Variants in HIPK3 observed in about 807,000 individuals in gnomAD.
The protein encoded by HIPK3 is homeodomain-interacting protein kinase 3.
In HIPK3, 47 loss-of-function variants were observed where a neutral mutation model predicts 124.2. That is an observed-to-expected ratio of 0.38 (90% CI 0.30 to 0.48). The LOEUF (loss-of-function observed/expected upper bound fraction) is 0.48. Ranked by LOEUF, HIPK3 falls within the 20% of genes least tolerant of loss-of-function variation. HIPK3 has a pLI of 0.98. For synonymous variants in HIPK3, 482 were observed against 515.2 expected, an observed-to-expected ratio of 0.94 and a Z score of 0.87; for missense variants, 1,286 against 1,454.3, an observed-to-expected ratio of 0.88 and a Z score of 1.88.
intron 5 of HIPK3, among the ~76,000 whole-genome samples, 169 bp from the exon 6 acceptor site, chr11:33,339,181 A>G (rs555172466): frequency 1.3e-5 from 2 of 152,280 alleles, no homozygotes; most frequent in Non-Finnish European, 2.9e-5. Flanking sequence ...TGGTACCTCA[A>G]CACATTTTGA....
intron 12 of HIPK3, 136 bp downstream of exon 12, chr11:33,348,364 C>A: frequency 9.9e-7 from 1 of 1,012,006 alleles, no homozygotes; most frequent in Non-Finnish European, 1.4e-6. Context: ...ATTTCTAGAG[C>A]TATTTTATAT....
intron 2 of HIPK3, among the ~76,000 whole-genome samples, chr11:33,318,696 T>G (rs1283847888): frequency 1.3e-5 from 2 of 152,244 alleles, no homozygotes; most frequent in Non-Finnish European, 2.9e-5. Context: ...CCCCTTTTCT[T>G]TTGATTGTCA....
intron 5 of HIPK3, 96 bp from the exon 6 acceptor site, chr11:33,339,254 T>G: frequency 1.2e-6 from 1 of 837,576 alleles, no homozygotes; most frequent in Non-Finnish European, 1.9e-6. Flanking sequence ...TCTCCTCTCC[T>G]GTGTTGTGAT....
At position 33,347,760 on chromosome 11, in the gene HIPK3, T is replaced by G; in HGVS notation, c.2144+7T>G. ...ACAGGCTTGGAGACTGGGGGTAAGC[T>G]GAAAACAAAAGTACTTTGTGAATAG... is the stretch of plus-strand genomic sequence containing the variant. On this transcript the variant is annotated splice_region_variant and intron_variant, in intron 10 of 16. Transcript: ENST00000303296. The G allele has an allele frequency of 6.2e-7, 1 of 1,613,380 alleles. No homozygotes were observed. Among genetic ancestry groups the G allele is most frequent in the Non-Finnish European group, 8.5e-7 (1 of 1,179,370 alleles).
At position 33,351,662 on chromosome 11, in the gene HIPK3, A is replaced by T; in HGVS notation, c.2862A>T (p.Thr954=). The T allele has an allele frequency of 6.2e-7, 1 of 1,614,238 alleles. No individual in the cohort carries two copies. The highest frequency in any genetic ancestry group is 8.5e-7 in the Non-Finnish European group (1 of 1,180,038). Residue 954 remains threonine (T), a synonymous_variant, in exon 15 of 17, where the codon ACA becomes ACT. Transcript: ENST00000303296. ...SSCDTVDGSP[T]SDSSGHDSPF... ...GTGATACGGTGGATGGCTCTCCGAC[A>T]TCTGACTCTTCCGGGCATGACAGTC... is the stretch of plus-strand genomic sequence containing the variant.
intron 1 of HIPK3, among the ~76,000 whole-genome samples, chr11:33,265,368 A>G (rs1165663972): frequency 6.6e-6 from 1 of 152,230 alleles, no homozygotes; most frequent in Non-Finnish European, 1.5e-5. Flanking sequence ...TGGATTTGTA[A>G]TCATTGTTTA....
At chr11:33,306,370 TGA>T (rs1852159394) in intron 2 of HIPK3, among the ~76,000 whole-genome samples, 2 of 152,148 alleles carry the variant, frequency 1.3e-5, no homozygotes, top group Admixed American at 1.3e-4. Context: ...ATAAATTCAT[TGA>T]GGGAATTTTT....
Position 33,355,602 on chromosome 11 carries a change from A to G in HIPK3, c.*2034A>G, listed in dbSNP as rs905133124. 3 of 152,064 alleles carry G rather than the reference A, an allele frequency of 2.0e-5. No individual in the cohort carries two copies. The highest frequency in any genetic ancestry group is 2.9e-5 in the Non-Finnish European group (2 of 67,914). The allele number at this position is 152,064 out of a possible 1,614,324, so 9.4% of individuals were successfully genotyped here. A position where few individuals can be genotyped will look rare whatever the true frequency, so the allele number is the denominator to read the frequency against. The stretch of plus-strand genomic sequence containing the variant: ...GTACAGCTCTAGTACAGCGTTCACA[A>G]TAAGCTAATAATGGATAAGTTTTCT... On this transcript the variant is annotated 3_prime_UTR_variant, in exon 17 of 17. Coordinates refer to ENST00000303296, the MANE Select transcript of HIPK3 (RefSeq NM_005734.5).
rs1853794423 is a variant in HIPK3 at position 33,355,614 on chromosome 11, TG to T, written c.*2048del. 1 of 152,028 alleles carries T rather than the reference TG, an allele frequency of 6.6e-6. No homozygotes were observed. The highest frequency in any genetic ancestry group is 2.4e-5 in the African/African-American group (1 of 41,444). The allele number at this position is 152,028 out of a possible 1,614,324, so 9.4% of individuals were successfully genotyped here. A position where few individuals can be genotyped will look rare whatever the true frequency, so the allele number is the denominator to read the frequency against. ...TACAGCGTTCACAATAAGCTAATAA[TG>T]GATAAGTTTTCTTCACTCCATTAAC... On this transcript the variant is annotated 3_prime_UTR_variant, in exon 17 of 17. Transcript: ENST00000303296.
chr11:33,347,512 G>T (rs1280725175), intron 9 of HIPK3, 98 bp downstream of exon 9: 1 of 1,575,908 alleles, frequency 6.3e-7, no homozygotes, highest in Admixed American at 1.8e-5. Context: ...GTAGGTTATG[G>T]ACTTTAATGT....
intron 3 of HIPK3, among the ~76,000 whole-genome samples, chr11:33,331,064 G>T (rs1243019438): frequency 6.6e-6 from 1 of 151,770 alleles, no homozygotes; most frequent in African/African-American, 2.4e-5. Context: ...TTTATTTTTA[G>T]TAGAGATGGG....
intron 8 of HIPK3, among the ~76,000 whole-genome samples, chr11:33,343,330 G>T (rs1402951552): frequency 6.6e-6 from 1 of 151,368 alleles, no homozygotes. Flanking sequence ...GCCCAGGCTA[G>T]AGTGTGGTAG....
At chr11:33,310,792 G>T (rs1186138653) in intron 2 of HIPK3, among the ~76,000 whole-genome samples, 6 of 152,220 alleles carry the variant, frequency 3.9e-5, no homozygotes, top group Non-Finnish European at 7.3e-5. Context: ...GAGTCTACAT[G>T]AAATCTTCCT....
intron 1 of HIPK3, among the ~76,000 whole-genome samples, chr11:33,262,711 T>C (rs1189787511): frequency 3.3e-5 from 5 of 152,254 alleles, no homozygotes; most frequent in African/African-American, 7.2e-5. Flanking sequence ...TGGAGCAAAC[T>C]GAGGACCATA....
At chr11:33,300,674 C>G (rs1282014780) in intron 2 of HIPK3, among the ~76,000 whole-genome samples, 1 of 152,098 alleles carries the variant, frequency 6.6e-6, no homozygotes, top group Non-Finnish European at 1.5e-5. Context: ...TGGAACCAAA[C>G]CTGCAATATC....
chr11:33,348,354 A>G, intron 12 of HIPK3, 126 bp downstream of exon 12: 1 of 1,021,114 alleles, frequency 9.8e-7, no homozygotes, highest in South Asian at 1.6e-5. Flanking sequence ...CTACATGGAT[A>G]TTTCTAGAGC....
chr11:33,298,510 A>G (rs1851903031), intron 2 of HIPK3, among the ~76,000 whole-genome samples: 1 of 152,242 alleles, frequency 6.6e-6, no homozygotes, highest in Non-Finnish European at 1.5e-5. Flanking sequence ...TATGTTTGGT[A>G]AGGCCATAGC....
At chr11:33,280,254 A>G (rs1851377037) in intron 1 of HIPK3, among the ~76,000 whole-genome samples, 1 of 152,196 alleles carries the variant, frequency 6.6e-6, no homozygotes, top group African/African-American at 2.4e-5. Context: ...TGCAGAGGAC[A>G]ACACAGTATA....
At chr11:33,259,056 C>G (rs1385780930) in intron 1 of HIPK3, among the ~76,000 whole-genome samples, 7 of 152,128 alleles carry the variant, frequency 4.6e-5, no homozygotes, top group Admixed American at 4.6e-4. Flanking sequence ...TGCGTACTTT[C>G]TAGTAGTTTG....
Sources: gnomAD v4.1 joint callset for allele counts (sites outside exome capture counted in the v4.1 genomes callset) on GRCh38, gnomAD v4.1.1 for gene constraint, MANE v1.5 for transcripts, NCBI Gene and HGNC (gene_info 2026-07-23, HGNC 2026-07-21) for gene names.